The following STXBP5L variants were observed in gnomAD, a reference collection of about 807,000 sequenced individuals.
The protein encoded by STXBP5L is syntaxin-binding protein 5-like.
STXBP5L carries 65 observed loss-of-function variants against 144.5 expected under a neutral mutation model. The observed-to-expected ratio is 0.45, with a 90% CI of 0.37 to 0.55. STXBP5L has a LOEUF of 0.55. Among genes scored for constraint, STXBP5L ranks in the 20% least tolerant of loss-of-function variants. The pLI is 0.00. For synonymous variants in STXBP5L, 505 were observed against 469.6 expected, an observed-to-expected ratio of 1.08 and a Z score of -0.97; for missense variants, 1,298 against 1,405.5, an observed-to-expected ratio of 0.92 and a Z score of 1.22.
intron 20 of STXBP5L, among the ~76,000 whole-genome samples, chr3:121,377,795 T>C (rs1441631663): frequency 2.6e-5 from 4 of 152,196 alleles, no homozygotes; most frequent in Non-Finnish European, 5.9e-5. Flanking sequence ...AGAAATACCA[T>C]TTGACCCAGC....
intron 12 of STXBP5L, among the ~76,000 whole-genome samples, chr3:121,237,396 G>A (rs940076187): frequency 2.6e-5 from 4 of 152,220 alleles, no homozygotes; most frequent in Admixed American, 6.5e-5. Context: ...AAGGGGCACA[G>A]GGCAGTGGTG....
rs1577111745 is a variant in STXBP5L at position 121,172,571 on chromosome 3, T to C, written c.877+14944T>C. Among the ~76,000 whole-genome samples the C allele has an allele frequency of 2.0e-5, 3 of 152,210 alleles. No individual in the cohort carries two copies. In the East Asian group the frequency reaches 5.8e-4, roughly 29 times the overall value. ...AAGACATTTATGCAGCCAACAAACA[T>C]ATGAAAAACAGCTCATCATCACTGG... On this transcript the variant is annotated intron_variant, in intron 9 of 26. Coordinates refer to ENST00000471454, the MANE Select transcript of STXBP5L (RefSeq NM_001308330.2).
At chr3:121,357,912 C>A (rs1278830115) in intron 20 of STXBP5L, 1 of 152,074 alleles carries the variant, frequency 6.6e-6, no homozygotes, top group Non-Finnish European at 1.5e-5. Flanking sequence ...CACTCAAATA[C>A]CTATTTATGA....
chr3:121,141,112 T>G (rs2045483282), intron 7 of STXBP5L, among the ~76,000 whole-genome samples: 1 of 152,026 alleles, frequency 6.6e-6, no homozygotes, highest in Non-Finnish European at 1.5e-5. Context: ...CAGAAGGAAG[T>G]GTGAAACTTA....
intron 5 of STXBP5L, among the ~76,000 whole-genome samples, chr3:121,057,426 A>G (rs1948538551): frequency 6.6e-6 from 1 of 152,082 alleles, no homozygotes; most frequent in African/African-American, 2.4e-5. Flanking sequence ...GCCGTTGTGT[A>G]ACAAACACCT....
Position 121,065,091 on chromosome 3 carries a change from A to G in STXBP5L, c.470+19556A>G, listed in dbSNP as rs117339689. ...TGTGATTTTTTTTTTTTATGGCTGC[A>G]TAGTATTCTATGGTGTATATGTACC... On this transcript the variant is annotated intron_variant, in intron 5 of 26. Coordinates refer to ENST00000471454, the MANE Select transcript of STXBP5L (RefSeq NM_001308330.2). Among the ~76,000 whole-genome samples, 300 of 151,440 alleles carry G rather than the reference A, an allele frequency of 2.0e-3. 5 individuals carry two copies. The East Asian group carries it at 0.054, about 27-fold the overall frequency.
chr3:121,110,251 G>T (rs1435829857), intron 5 of STXBP5L, among the ~76,000 whole-genome samples: 1 of 152,194 alleles, frequency 6.6e-6, no homozygotes, highest in African/African-American at 2.4e-5. Flanking sequence ...CAGTCATCAT[G>T]ATGCCAACTG....
At chr3:121,039,571 T>C (rs1398840570) in intron 3 of STXBP5L, among the ~76,000 whole-genome samples, 1 of 152,006 alleles carries the variant, frequency 6.6e-6, no homozygotes, top group East Asian at 1.9e-4. Context: ...TACTATTTGA[T>C]ATCATTTCCC....
intron 19 of STXBP5L, among the ~76,000 whole-genome samples, chr3:121,302,698 A>G (rs1366430441): frequency 2.6e-5 from 4 of 152,162 alleles, no homozygotes; most frequent in Non-Finnish European, 5.9e-5. Context: ...GACCAATGGA[A>G]CAGAACAGAA....
At chr3:120,926,348 T>C (rs1426481087) in intron 2 of STXBP5L, among the ~76,000 whole-genome samples, 1 of 120,814 alleles carries the variant, frequency 8.3e-6, no homozygotes, top group Non-Finnish European at 1.7e-5. Flanking sequence ...TATTCTTGGA[T>C]GGCAGTTCTT....
At chr3:120,963,386 C>T (rs912717879) in intron 3 of STXBP5L, among the ~76,000 whole-genome samples, 3 of 152,152 alleles carry the variant, frequency 2.0e-5, no homozygotes, top group African/African-American at 7.2e-5. Context: ...AGTTTTTGCC[C>T]ATTCAGTATG....
At chr3:121,027,067 G>A (rs1946000204) in intron 3 of STXBP5L, among the ~76,000 whole-genome samples, 1 of 151,768 alleles carries the variant, frequency 6.6e-6, no homozygotes, top group South Asian at 2.1e-4. Context: ...TCTTCAAAAT[G>A]AATGTAAGTT....
intron 20 of STXBP5L, chr3:121,357,694 A>G (rs2045571907): frequency 6.6e-6 from 1 of 152,250 alleles, no homozygotes; most frequent in South Asian, 2.1e-4. Flanking sequence ...CTTGGAGAAT[A>G]ACATTGTTGT....
intron 3 of STXBP5L, among the ~76,000 whole-genome samples, chr3:121,004,720 G>C (rs994108196): frequency 6.6e-6 from 1 of 152,048 alleles, no homozygotes; most frequent in African/African-American, 2.4e-5. Flanking sequence ...TTTGAGATAC[G>C]TCCCATGAAT....
At chr3:121,298,730 T>C (rs1192890042) in intron 19 of STXBP5L, among the ~76,000 whole-genome samples, 4 of 152,028 alleles carry the variant, frequency 2.6e-5, no homozygotes, top group Non-Finnish European at 5.9e-5. Flanking sequence ...AAGCAGAAAG[T>C]AGAATAATGA....
Position 121,139,355 on chromosome 3 carries a change from A to C in STXBP5L, c.670-13122A>C, listed in dbSNP as rs557833073. Among the ~76,000 whole-genome samples the C allele has an allele frequency of 3.3e-5, 5 of 152,240 alleles. No individual in the cohort carries two copies. In the South Asian group the frequency reaches 1.0e-3, roughly 32 times the overall value. ...AAAGCACTCTCTCTTATAAACATGT[A>C]CAATTACTATATGTCAACTAAAAAG... On this transcript the variant is annotated intron_variant, in intron 7 of 26. Coordinates refer to ENST00000471454, the MANE Select transcript of STXBP5L (RefSeq NM_001308330.2).
intron 5 of STXBP5L, among the ~76,000 whole-genome samples, chr3:121,048,404 G>C (rs1162664539): frequency 6.6e-6 from 1 of 152,088 alleles, no homozygotes; most frequent in Admixed American, 6.6e-5. Flanking sequence ...TAGTGAGGCT[G>C]GGGACGTTTT....
At chr3:121,350,207 T>G (rs2045215654) in intron 20 of STXBP5L, among the ~76,000 whole-genome samples, 1 of 152,172 alleles carries the variant, frequency 6.6e-6, no homozygotes, top group African/African-American at 2.4e-5. Flanking sequence ...TTATTTCTCC[T>G]TCACTTATGA....
intron 3 of STXBP5L, among the ~76,000 whole-genome samples, chr3:121,040,641 A>G (rs1465144797): frequency 6.6e-6 from 1 of 151,890 alleles, no homozygotes; most frequent in East Asian, 1.9e-4. Context: ...ACTCAACCCT[A>G]TGAACTCTAG....
Sources: gnomAD v4.1 joint callset for allele counts (sites outside exome capture counted in the v4.1 genomes callset) on GRCh38, gnomAD v4.1.1 for gene constraint, MANE v1.5 for transcripts, NCBI Gene and HGNC (gene_info 2026-07-23, HGNC 2026-07-21) for gene names.